The following TENM2 variants were observed in gnomAD, a reference collection of about 807,000 sequenced individuals.
The protein encoded by TENM2 is teneurin-2.
TENM2 carries 52 observed loss-of-function variants against 245.2 expected under a neutral mutation model. That is an observed-to-expected ratio of 0.21 (90% CI 0.17 to 0.27). The LOEUF (loss-of-function observed/expected upper bound fraction) is 0.27, where lower values mean the gene tolerates loss of function less well. TENM2 is among the 10% of genes least tolerant of loss of function. The pLI is 1.00. For missense variants in TENM2, 3,046 were observed against 3,666.8 expected (o/e 0.83, Z 4.37); for synonymous variants, 1,363 against 1,438.9 (o/e 0.95, Z 1.19).
intron 1 of TENM2, among the ~76,000 whole-genome samples, chr5:167,344,725 C>T (rs1758353950): frequency 1.3e-5 from 2 of 152,068 alleles, no homozygotes; most frequent in South Asian, 4.1e-4. Context: ...GGATTGGTGA[C>T]AGGGAAAGAC....
At chr5:167,616,011 A>T (rs1414048915) in intron 2 of TENM2, among the ~76,000 whole-genome samples, 4 of 152,162 alleles carry the variant, frequency 2.6e-5, no homozygotes, top group African/African-American at 4.8e-5. Flanking sequence ...ACAATCATAA[A>T]ATCATTTAAT....
At chr5:167,336,759 A>G (rs545746168) in intron 1 of TENM2, among the ~76,000 whole-genome samples, 1 of 152,146 alleles carries the variant, frequency 6.6e-6, no homozygotes, top group East Asian at 1.9e-4. Flanking sequence ...AGGAAATGCT[A>G]ATTAGAGCAT....
exon 25 of TENM2, chr5:168,227,946 T>G (rs1764381926): frequency 6.2e-7 from 1 of 1,613,470 alleles, no homozygotes; most frequent in African/African-American, 1.3e-5. Context: ...CTGAGGGTGA[T>G]GTATGCTAAT....
intron 2 of TENM2, among the ~76,000 whole-genome samples, chr5:167,395,657 C>A (rs1762009523): frequency 6.6e-6 from 1 of 152,120 alleles, no homozygotes; most frequent in African/African-American, 2.4e-5. Context: ...CACTTAATCT[C>A]ATCAATAAGT....
chr5:167,985,613 A>G (rs1783185907), intron 4 of TENM2, among the ~76,000 whole-genome samples: 1 of 152,202 alleles, frequency 6.6e-6, no homozygotes, highest in Non-Finnish European at 1.5e-5. Flanking sequence ...AGGAAGAGAG[A>G]AACAGGAAAA....
intron 3 of TENM2, among the ~76,000 whole-genome samples, chr5:167,931,284 C>T (rs1343714818): frequency 2.6e-5 from 4 of 152,140 alleles, no homozygotes; most frequent in Non-Finnish European, 4.4e-5. Context: ...CAGCTTTTCT[C>T]ATCAGAAATG....
chr5:167,043,741 G>T, the TENM2 span, among the ~76,000 whole-genome samples: 1 of 152,194 alleles, frequency 6.6e-6, no homozygotes, highest in Non-Finnish European at 1.5e-5. Flanking sequence ...GCCGGGCGCG[G>T]TGGCTCACGC....
intron 2 of TENM2, among the ~76,000 whole-genome samples, chr5:167,704,790 A>T (rs921433736): frequency 1.3e-5 from 2 of 151,956 alleles, no homozygotes; most frequent in African/African-American, 4.8e-5. Context: ...TTTGTGCATT[A>T]TCTTTAGGCT....
intron 13 of TENM2, among the ~76,000 whole-genome samples, chr5:168,173,593 A>G (rs1016740583): frequency 9.9e-5 from 15 of 152,022 alleles, no homozygotes; most frequent in Admixed American, 9.8e-4. Context: ...CACACCAGCC[A>G]CACTCCTGGA....
At chr5:167,046,342 A>C in the TENM2 span, among the ~76,000 whole-genome samples, 1 of 152,330 alleles carries the variant, frequency 6.6e-6, no homozygotes, top group South Asian at 2.1e-4. Context: ...AAACCCATTA[A>C]AGATCTACTT....
chr5:167,841,302 C>T (rs1769494346), intron 2 of TENM2, among the ~76,000 whole-genome samples: 1 of 152,174 alleles, frequency 6.6e-6, no homozygotes, highest in African/African-American at 2.4e-5. Context: ...GGTGATCTGC[C>T]CGCCTTGGCT....
intron 5 of TENM2, among the ~76,000 whole-genome samples, chr5:168,028,799 C>CAAAAAAA: frequency 8.2e-6 from 1 of 122,118 alleles, no homozygotes; most frequent in Non-Finnish European, 1.8e-5. Context: ...TAGCAACTGT[C>CAAAAAAA]AAAAAAAAAA....
At chr5:167,768,136 A>G (rs150793835) in intron 2 of TENM2, among the ~76,000 whole-genome samples, 2 of 152,306 alleles carry the variant, frequency 1.3e-5, no homozygotes, top group African/African-American at 2.4e-5. Context: ...CTGTGTTGAC[A>G]TTCATTGTAA....
At chr5:167,334,117 C>T (rs762628929) in intron 1 of TENM2, among the ~76,000 whole-genome samples, 2 of 151,838 alleles carry the variant, frequency 1.3e-5, no homozygotes, top group Non-Finnish European at 2.9e-5. Context: ...TTTATTGTTC[C>T]ACCATACCCT....
intron 1 of TENM2, among the ~76,000 whole-genome samples, chr5:167,292,498 A>C (rs1754694799): frequency 6.6e-6 from 1 of 152,090 alleles, no homozygotes; most frequent in Non-Finnish European, 1.5e-5. Context: ...ATATTTCAAC[A>C]CTGGACAATT....
intron 2 of TENM2, among the ~76,000 whole-genome samples, chr5:167,624,730 T>A (rs1778390453): frequency 6.6e-6 from 1 of 152,220 alleles, no homozygotes; most frequent in South Asian, 2.1e-4. Flanking sequence ...CTCTGCCAGT[T>A]ATAACTTCAG....
intron 2 of TENM2, among the ~76,000 whole-genome samples, chr5:167,762,484 G>T (rs1762746956): frequency 6.6e-6 from 1 of 152,140 alleles, no homozygotes; most frequent in Admixed American, 6.5e-5. Context: ...TATTTCTCTT[G>T]CCCATGTGAA....
At chr5:167,238,123 T>C in the TENM2 span, among the ~76,000 whole-genome samples, 1 of 151,500 alleles carries the variant, frequency 6.6e-6, no homozygotes, top group East Asian at 1.9e-4. Context: ...TTCAGAAGGG[T>C]TGGATTCCTA....
intron 2 of TENM2, among the ~76,000 whole-genome samples, chr5:167,679,888 A>C (rs1281534102): frequency 6.6e-6 from 1 of 152,200 alleles, no homozygotes; most frequent in Non-Finnish European, 1.5e-5. Context: ...CTTATGGTCC[A>C]TCATGGTGGT....
Sources: gnomAD v4.1 joint callset for allele counts (sites outside exome capture counted in the v4.1 genomes callset) on GRCh38, gnomAD v4.1.1 for gene constraint, MANE v1.5 for transcripts, NCBI Gene and HGNC (gene_info 2026-07-23, HGNC 2026-07-21) for gene names.